DNAH14: variants seen among roughly 807,000 people sequenced by gnomAD.
DNAH14 encodes dynein axonemal heavy chain 14.
In DNAH14, 478 loss-of-function variants were observed where a neutral mutation model predicts 520.9. That is an observed-to-expected ratio of 0.92 (90% CI 0.85 to 0.99). DNAH14 has a LOEUF of 0.99. Among genes scored for constraint, DNAH14 ranks in the 50% least tolerant of loss-of-function variants. DNAH14 has a pLI of 0.00. For missense variants in DNAH14, 4,831 were observed against 5,234.5 expected, an observed-to-expected ratio of 0.92 and a Z score of 2.38; for synonymous variants, 1,581 against 1,757.2, an observed-to-expected ratio of 0.90 and a Z score of 2.51.
At chr1:225,317,383 A>G (rs2094486212) in intron 60 of DNAH14, among the ~76,000 whole-genome samples, 1 of 151,988 alleles carries the variant, frequency 6.6e-6, no homozygotes, top group Non-Finnish European at 1.5e-5. Context: ...TATCAGAATA[A>G]CCTCTACTGA....
intron 55 of DNAH14, among the ~76,000 whole-genome samples, chr1:225,290,971 C>G (rs1163892557): frequency 1.3e-5 from 2 of 151,428 alleles, no homozygotes; most frequent in African/African-American, 4.9e-5. Context: ...GAACTTATTC[C>G]TCCTCTCTAG....
intron 56 of DNAH14, among the ~76,000 whole-genome samples, chr1:225,301,452 G>A (rs1326245757): frequency 6.6e-6 from 1 of 152,120 alleles, no homozygotes; most frequent in Non-Finnish European, 1.5e-5. Context: ...TTGACCAGGA[G>A]GTGATGGATA....
Position 225,007,409 on chromosome 1 carries a change from T to G in DNAH14, c.976-4T>G, listed in dbSNP as rs758498315. 2 of 1,516,460 alleles carry G rather than the reference T, an allele frequency of 1.3e-6. No homozygotes were observed. The highest frequency in any genetic ancestry group is 1.8e-6 in the Non-Finnish European group (2 of 1,130,336). 93.9% of individuals were successfully genotyped at this position (1,516,460 alleles called of 1,614,324 possible). On this transcript the variant is annotated splice_region_variant and splice_polypyrimidine_tract_variant and intron_variant, in intron 9 of 85. Transcript: ENST00000682510. The stretch of plus-strand genomic sequence containing the variant: ...ACACTGAACATTTACTATCATCTAA[T>G]TAGCTGGATAGTTCTCGAACATATT...
At chr1:225,150,549 C>T (rs2080402408) in intron 31 of DNAH14, among the ~76,000 whole-genome samples, 1 of 152,032 alleles carries the variant, frequency 6.6e-6, no homozygotes, top group Admixed American at 6.6e-5. Context: ...GGTTGGTAGG[C>T]TATTTATTAC....
rs1434136354 is a variant in DNAH14, at chr1:225,207,212, T to C, written c.6431T>C (p.Phe2144Ser). ...GACTTCATGGGTAAAAATGGAGGAT[T>C]TGAACAAAGTGAGTTTTTTTCTCTA... ...FFDFMGKNGG[F>S]EQSDDLNDTS... The change falls in exon 41 of 86, where the codon TTT (phenylalanine) becomes TCT (serine). Residue 2144 changes from phenylalanine (F) to serine (S), a missense_variant. Coordinates refer to ENST00000682510, the MANE Select transcript of DNAH14 (RefSeq NM_001367479.1). 1.1e-5 allele frequency: 17 copies of C among 1,517,662 alleles called. No individual in the cohort carries two copies. Among genetic ancestry groups the C allele is most frequent in the Non-Finnish European group, 1.5e-5 (17 of 1,130,910 alleles). 94.0% of individuals were successfully genotyped at this position (1,517,662 alleles called of 1,614,324 possible).
At chr1:225,359,479 G>T (rs901121823) in intron 74 of DNAH14, among the ~76,000 whole-genome samples, 1 of 152,058 alleles carries the variant, frequency 6.6e-6, no homozygotes, top group African/African-American at 2.4e-5. Context: ...TTGCACTACA[G>T]ATCCGAAGTA....
intron 83 of DNAH14, among the ~76,000 whole-genome samples, chr1:225,391,658 C>T (rs1212549510): frequency 6.6e-6 from 1 of 152,006 alleles, no homozygotes; most frequent in Admixed American, 6.6e-5. Flanking sequence ...ACTCCTGGGT[C>T]TCTGGCTTGG....
intron 75 of DNAH14, 121 bp from the exon 76 acceptor site, chr1:225,364,671 T>A: frequency 4.8e-6 from 3 of 624,952 alleles, no homozygotes; most frequent in Non-Finnish European, 5.2e-6. Context: ...GATAATACAG[T>A]AAGATCTTCA....
intron 49 of DNAH14, among the ~76,000 whole-genome samples, chr1:225,267,004 G>C (rs895350752): frequency 1.3e-5 from 2 of 152,060 alleles, no homozygotes; most frequent in Non-Finnish European, 1.5e-5. Context: ...AAAATTGCAT[G>C]TATGTCCTCA....
chr1:225,248,123 C>T (rs1219084737), intron 43 of DNAH14, among the ~76,000 whole-genome samples: 1 of 151,996 alleles, frequency 6.6e-6, no homozygotes, highest in Non-Finnish European at 1.5e-5. Flanking sequence ...AATTTTTATC[C>T]TCAGAAGCTA....
rs562839420 is a variant in DNAH14, at chr1:224,967,002, A to G, written c.499-429A>G. Among the ~76,000 whole-genome samples the G allele has an allele frequency of 2.6e-5, 4 of 152,336 alleles. No individual in the cohort carries two copies. The South Asian group carries it at 8.3e-4, about 32-fold the overall frequency. On this transcript the variant is annotated intron_variant, in intron 5 of 85. Transcript: ENST00000682510. ...TTACTCATTAAATATTTATTACTTA[A>G]CAAATAATAGCTGTTTTTATCTTAT...
At chr1:224,930,240 A>G (rs1202078633) in intron 1 of DNAH14, among the ~76,000 whole-genome samples, 1 of 152,192 alleles carries the variant, frequency 6.6e-6, no homozygotes, top group Non-Finnish European at 1.5e-5. Flanking sequence ...TCTCAACACA[A>G]ATATATATGG....
intron 27 of DNAH14, among the ~76,000 whole-genome samples, chr1:225,139,713 T>C (rs1222167049): frequency 6.6e-6 from 1 of 152,238 alleles, no homozygotes; most frequent in Admixed American, 6.5e-5. Context: ...TACCCTACAC[T>C]GATGCAGCCT....
At chr1:225,258,187 T>C (rs2092808108) in intron 45 of DNAH14, 69 bp downstream of exon 45, 2 of 1,311,562 alleles carry the variant, frequency 1.5e-6, no homozygotes, top group Admixed American at 7.3e-5. Flanking sequence ...TTGGTCTAAC[T>C]ATCTTATTTT....
chr1:225,023,932 A>G, intron 11 of DNAH14, 67 bp downstream of exon 11: 1 of 1,456,766 alleles, frequency 6.9e-7, no homozygotes, highest in Non-Finnish European at 9.1e-7. Context: ...CCACATATGG[A>G]GGAAATATTC....
chr1:225,353,792 A>G lies in DNAH14; in HGVS notation c.11534-11A>G, dbSNP rs1178371966. On this transcript the variant is annotated splice_polypyrimidine_tract_variant and intron_variant, in intron 72 of 85. Transcript: ENST00000682510. ...TGTTAATGCCAGTTTCTTTCTCTAA[A>G]TTATATCTAGCTGAACTTTTGAATG... 4.3e-6 allele frequency: 6 copies of G among 1,395,448 alleles called. No homozygotes were observed. The highest frequency in any genetic ancestry group is 5.9e-6 in the Non-Finnish European group (6 of 1,018,486). 86.4% of individuals were successfully genotyped at this position (1,395,448 alleles called of 1,614,324 possible). A position where few individuals can be genotyped will look rare whatever the true frequency, so the allele number is the denominator to read the frequency against.
At chr1:225,246,175 T>C (rs2092273750) in intron 43 of DNAH14, among the ~76,000 whole-genome samples, 1 of 148,168 alleles carries the variant, frequency 6.7e-6, no homozygotes, top group South Asian at 2.1e-4. Flanking sequence ...TGGCTAGCCA[T>C]ATGCAGAAAA....
chr1:225,258,186 C>A (rs1446023799), intron 45 of DNAH14, 68 bp downstream of exon 45: 1 of 1,324,608 alleles, frequency 7.5e-7, no homozygotes. Flanking sequence ...TTTGGTCTAA[C>A]TATCTTATTT....
chr1:225,380,612 G>A (rs1043847452), intron 80 of DNAH14, among the ~76,000 whole-genome samples: 1 of 152,166 alleles, frequency 6.6e-6, no homozygotes, highest in Non-Finnish European at 1.5e-5. Flanking sequence ...ATTGTCAAGA[G>A]TTCTAGGTGC....
Sources: allele counts gnomAD v4.1 joint callset (sites outside exome capture counted in the v4.1 genomes callset), GRCh38; gene constraint gnomAD v4.1.1; transcripts MANE v1.5; gene names NCBI Gene and HGNC (gene_info 2026-07-23, HGNC 2026-07-21).